SGCZ: variants seen among roughly 807,000 people sequenced by gnomAD.
SGCZ encodes zeta-sarcoglycan.
In SGCZ, 40 loss-of-function variants were observed where a neutral mutation model predicts 41.3. The ratio of observed to expected loss-of-function variants is 0.97; its 90% CI spans 0.75 to 1.26. The LOEUF is 1.26. Ranked by LOEUF, SGCZ falls within the 50% of genes most tolerant of loss-of-function variation. The probability of loss-of-function intolerance (pLI) is 0.00; values close to 1 mark genes in which losing one functional copy is unlikely to be tolerated. For missense variants in SGCZ, 552 were observed against 369.8 expected (o/e 1.49, Z -4.04); for synonymous variants, 206 against 137.5 (o/e 1.50, Z -3.49).
chr8:14,742,709 A>G (rs563662932), intron 1 of SGCZ, among the ~76,000 whole-genome samples: 7 of 152,214 alleles, frequency 4.6e-5, no homozygotes, highest in Admixed American at 2.6e-4. Flanking sequence ...ATGCTCATTG[A>G]TACAAATACT....
At chr8:15,072,000 G>C (rs561648083) in intron 1 of SGCZ, among the ~76,000 whole-genome samples, 1 of 152,046 alleles carries the variant, frequency 6.6e-6, no homozygotes, top group East Asian at 1.9e-4. Context: ...CCAGCTCCAC[G>C]GATCTCTACT....
intron 1 of SGCZ, among the ~76,000 whole-genome samples, chr8:15,149,214 C>T (rs1254576726): frequency 1.3e-5 from 2 of 152,028 alleles, no homozygotes; most frequent in African/African-American, 4.8e-5. Flanking sequence ...ATCCTTCAAA[C>T]ATTATCCCAT....
At chr8:14,103,169 G>A (rs1476043618) in intron 6 of SGCZ, among the ~76,000 whole-genome samples, 1 of 152,182 alleles carries the variant, frequency 6.6e-6, no homozygotes, top group African/African-American at 2.4e-5. Context: ...GTACAAATGC[G>A]ATTGAAGGTT....
At chr8:15,137,378 G>T (rs1173611491) in intron 1 of SGCZ, among the ~76,000 whole-genome samples, 1 of 152,202 alleles carries the variant, frequency 6.6e-6, no homozygotes, top group Non-Finnish European at 1.5e-5. Flanking sequence ...ATTCAAGCCT[G>T]CTACAGAAAT....
intron 1 of SGCZ, among the ~76,000 whole-genome samples, chr8:15,002,727 C>G (rs925521824): frequency 1.3e-5 from 2 of 152,152 alleles, no homozygotes; most frequent in African/African-American, 4.8e-5. Context: ...ATAAAAAGTT[C>G]TTCTCTCCTG....
chr8:14,237,931 T>C (rs1430877792), intron 3 of SGCZ, among the ~76,000 whole-genome samples: 1 of 152,226 alleles, frequency 6.6e-6, no homozygotes, highest in Non-Finnish European at 1.5e-5. Flanking sequence ...ACCCTACTGA[T>C]TGCTGCACAT....
intron 1 of SGCZ, among the ~76,000 whole-genome samples, chr8:15,184,652 G>A (rs748992619): frequency 1.3e-5 from 2 of 152,168 alleles, no homozygotes; most frequent in Non-Finnish European, 2.9e-5. Flanking sequence ...GGAAGAGAGA[G>A]CAGGCGATTT....
intron 1 of SGCZ, among the ~76,000 whole-genome samples, chr8:14,687,850 G>T (rs1468786602): frequency 2.0e-5 from 3 of 152,052 alleles, no homozygotes; most frequent in Admixed American, 1.3e-4. Context: ...ATCCTCTCCA[G>T]CACCTGTTGT....
chr8:14,601,382 A>C (rs565853121), intron 1 of SGCZ, among the ~76,000 whole-genome samples: 18 of 152,326 alleles, frequency 1.2e-4, no homozygotes, highest in African/African-American at 3.8e-4. Flanking sequence ...GTTTTAGGTG[A>C]AAGGGTAGGT....
At chr8:14,466,300 C>T (rs146539992) in intron 2 of SGCZ, among the ~76,000 whole-genome samples, 7 of 151,992 alleles carry the variant, frequency 4.6e-5, no homozygotes, top group East Asian at 1.9e-4. Context: ...CTGCTCAATG[C>T]GTTGTGGTTT....
At chr8:14,725,193 G>A (rs1186338145) in intron 1 of SGCZ, among the ~76,000 whole-genome samples, 1 of 152,154 alleles carries the variant, frequency 6.6e-6, no homozygotes, top group Non-Finnish European at 1.5e-5. Flanking sequence ...TTTCATGGCT[G>A]AATAATATTC....
intron 2 of SGCZ, among the ~76,000 whole-genome samples, chr8:14,451,747 A>G (rs1310004398): frequency 2.0e-5 from 3 of 152,234 alleles, no homozygotes; most frequent in Non-Finnish European, 4.4e-5. Flanking sequence ...AAAAATGTCC[A>G]ACATTGTATA....
intron 1 of SGCZ, among the ~76,000 whole-genome samples, chr8:14,618,581 G>C (rs1035430592): frequency 6.6e-6 from 1 of 152,174 alleles, no homozygotes; most frequent in Non-Finnish European, 1.5e-5. Context: ...CCTATGCAGT[G>C]TTTTGTACTC....
intron 1 of SGCZ, among the ~76,000 whole-genome samples, chr8:14,619,631 T>A (rs775620439): frequency 3.1e-4 from 47 of 152,080 alleles, no homozygotes; most frequent in Non-Finnish European, 6.5e-4. Context: ...ATGACAGGCA[T>A]TCTTATACAC....
chr8:15,186,262 CAAAAAAAAAAAAAAAAAAAAAAAAAAA>C (rs61237091), intron 1 of SGCZ, among the ~76,000 whole-genome samples: 1 of 80,718 alleles, frequency 1.2e-5, no homozygotes, highest in African/African-American at 6.5e-5. Context: ...GATTCCGTAC[CAAAAAAAAAAAAAAAAAAAAAAAAAAA>C]AAAAAAAAAA....
chr8:14,767,780 T>C (rs1224521978), intron 1 of SGCZ, among the ~76,000 whole-genome samples: 1 of 152,202 alleles, frequency 6.6e-6, no homozygotes, highest in Non-Finnish European at 1.5e-5. Context: ...GCCTTTCAAA[T>C]TCTGTGTAAA....
chr8:14,174,273 A>G (rs1222795862), intron 4 of SGCZ, among the ~76,000 whole-genome samples: 2 of 152,184 alleles, frequency 1.3e-5, no homozygotes, highest in Non-Finnish European at 2.9e-5. Context: ...ATAACGATAG[A>G]AAATACATCA....
intron 1 of SGCZ, among the ~76,000 whole-genome samples, chr8:14,899,699 G>T (rs1798897821): frequency 6.6e-6 from 1 of 152,092 alleles, no homozygotes; most frequent in Non-Finnish European, 1.5e-5. Flanking sequence ...ACCTCGGGAG[G>T]TTAAATGGGA....
chr8:14,119,893 T>A (rs1176679040), intron 5 of SGCZ, among the ~76,000 whole-genome samples: 5 of 152,204 alleles, frequency 3.3e-5, no homozygotes, highest in African/African-American at 1.2e-4. Flanking sequence ...GAACCAGCCT[T>A]GCATCCCAGG....
Sources: allele counts gnomAD v4.1 joint callset (sites outside exome capture counted in the v4.1 genomes callset), GRCh38; gene constraint gnomAD v4.1.1; transcripts MANE v1.5; gene names NCBI Gene and HGNC (gene_info 2026-07-23, HGNC 2026-07-21).